Variants in GTF2F1 observed in about 807,000 individuals in gnomAD.
The protein encoded by GTF2F1 is general transcription factor IIF 74 kDa subunit.
Under a neutral mutation model 63.5 loss-of-function variants are expected in GTF2F1, and 39 were observed. That is an observed-to-expected ratio of 0.61 (90% CI 0.48 to 0.80). The LOEUF (loss-of-function observed/expected upper bound fraction) is 0.80, where lower values mean the gene tolerates loss of function less well. Among genes scored for constraint, GTF2F1 ranks in the 30% least tolerant of loss-of-function variants. GTF2F1 has a pLI of 0.00. For missense variants in GTF2F1, 657 were observed against 718.3 expected (o/e 0.91, Z 0.97); for synonymous variants, 287 against 285.3 (o/e 1.01, Z -0.06).
intron 4 of GTF2F1, among the ~76,000 whole-genome samples, 178 bp downstream of exon 4, chr19:6,389,266 C>CATAA (rs61290779): frequency 0.086 from 13,024 of 151,042 alleles, 597 homozygotes; most frequent in African/African-American, 0.11. Context: ...AATAAGATAA[C>CATAA]ATAAATAAAT....
rs771769847 is a variant in GTF2F1 at position 6,391,947 on chromosome 19, C to T, written c.87G>A (p.Met29Ile). 1.9e-6 allele frequency: 3 copies of T among 1,581,176 alleles called. No individual in the cohort carries two copies. The highest frequency in any genetic ancestry group is 1.7e-6 in the Non-Finnish European group (2 of 1,161,366). Residue 29 changes from methionine to isoleucine, a missense_variant, in exon 3 of 13, where the codon ATG becomes ATA. By Grantham distance (10) the Met-to-Ile change is conservative. Coordinates refer to ENST00000394456, the MANE Select transcript of GTF2F1 (RefSeq NM_002096.3). ...PKNTTKKYNI[M>I]AFNAADKVNF... is the part of the protein sequence containing the mutation. ...TGACTTTGTCGGCTGCATTAAAAGC[C>T]ATGATGTTATATTTTTTGGTTGTAT...
chr19:6,384,760 C>A (rs972205036), intron 5 of GTF2F1, among the ~76,000 whole-genome samples: 2 of 151,992 alleles, frequency 1.3e-5, no homozygotes, highest in Non-Finnish European at 2.9e-5. Context: ...CATGGCGAGA[C>A]ACCATCACCA....
rs949605746 is a variant in GTF2F1, at chr19:6,380,548, C to A, written c.1349+25G>T. 1 of 1,611,938 alleles carries A rather than the reference C, an allele frequency of 6.2e-7. No homozygotes were observed. The highest frequency in any genetic ancestry group is 8.5e-7 in the Non-Finnish European group (1 of 1,178,138). ...ATTGTCCCCAGTAGCCCTTGCCCTGCCCCCTGCTGTCCTCGTCAACTTACC... is the reference window on the plus strand; with the variant it reads ...ATTGTCCCCAGTAGCCCTTGCCCTGACCCCTGCTGTCCTCGTCAACTTACC... On this transcript the variant is annotated intron_variant, in intron 12 of 12. Transcript: ENST00000394456. The surrounding 1 kb of genome is among the most constrained non-coding windows in gnomAD (Gnocchi z 5.3).
rs1260741841 is a variant in GTF2F1 at position 6,381,216 on chromosome 19, G to A, written c.1019-21C>T. 2.5e-6 allele frequency: 4 copies of A among 1,598,256 alleles called. No individual in the cohort carries two copies. Among genetic ancestry groups the A allele is most frequent in the South Asian group, 2.2e-5 (2 of 89,048 alleles). ...GCTGTCTGCGGGGCACAGGAAAGGGGTCAGGGCCAGAGCAACCCCGGGACC... is the reference window on the plus strand; with the variant it reads ...GCTGTCTGCGGGGCACAGGAAAGGGATCAGGGCCAGAGCAACCCCGGGACC... On this transcript the variant is annotated intron_variant, in intron 9 of 12. Coordinates refer to ENST00000394456, the MANE Select transcript of GTF2F1 (RefSeq NM_002096.3). The surrounding 1 kb of genome is among the most constrained non-coding windows in gnomAD (Gnocchi z 4.1).
rs2091944415 is a variant in GTF2F1, at chr19:6,380,841, C to T, written c.1231+63G>A. 6.6e-7 allele frequency: 1 copy of T among 1,510,902 alleles called. No individual in the cohort carries two copies. Among genetic ancestry groups the T allele is most frequent in the Non-Finnish European group, 8.8e-7 (1 of 1,130,242 alleles). The allele number at this position is 1,510,902 out of a possible 1,614,324, so 93.6% of individuals were successfully genotyped here. A position where few individuals can be genotyped will look rare whatever the true frequency, so the allele number is the denominator to read the frequency against. ...TCTCCATCCCCTCTCTGTCCTGAGC[C>T]CCAACAGAGGTCAGGAGGCTGTGGC... On this transcript the variant is annotated intron_variant, in intron 11 of 12. Coordinates refer to ENST00000394456, the MANE Select transcript of GTF2F1 (RefSeq NM_002096.3). The surrounding 1 kb of genome is among the most constrained non-coding windows in gnomAD (Gnocchi z 5.3).
chr19:6,385,882 G>A (rs969891010), intron 5 of GTF2F1, among the ~76,000 whole-genome samples: 17 of 151,786 alleles, frequency 1.1e-4, no homozygotes, highest in Admixed American at 7.9e-4. Context: ...TCAGGAGATC[G>A]AGACCACGGT....
Position 6,381,187 on chromosome 19 carries a change from C to A in GTF2F1, c.1027G>T (p.Glu343Ter), listed in dbSNP as rs752299707. The A allele has an allele frequency of 6.2e-7, 1 of 1,608,956 alleles. No individual in the cohort carries two copies. The highest frequency in any genetic ancestry group is 8.5e-7 in the Non-Finnish European group (1 of 1,178,100). The change falls in exon 10 of 13, where the codon GAG becomes TAG. Residue 343 changes from glutamate (E) to a stop codon, truncating the protein, a stop_gained. Coordinates refer to ENST00000394456, the MANE Select transcript of GTF2F1 (RefSeq NM_002096.3). LOFTEE classifies it high-confidence loss of function. The surrounding 1 kb of genome is among the most constrained non-coding windows in gnomAD (Gnocchi z 4.1). ...CTCTCCTCTGAGCTGTCCGACTCCTCGCTGCTGTCTGCGGGGCACAGGAAA... is the reference window on the plus strand; with the variant it reads ...CTCTCCTCTGAGCTGTCCGACTCCTAGCTGCTGTCTGCGGGGCACAGGAAA... ...QEKKRRKDSS[E>*]ESDSSEESDI...
Position 6,384,484 on chromosome 19 carries a change from G to A in GTF2F1, c.498-989C>T, listed in dbSNP as rs1031984033. ...GATTGCCCCACAGCACTCCAGCCTC[G>A]GTGACAGAGTAAGAATCTGTCTCCA... On this transcript the variant is annotated intron_variant, in intron 5 of 12. Transcript: ENST00000394456. Among the ~76,000 whole-genome samples the A allele has an allele frequency of 4.6e-5, 7 of 150,708 alleles. No homozygotes were observed. The South Asian group carries it at 6.3e-4, about 14-fold the overall frequency.
Position 6,388,166 on chromosome 19 carries a change from G to A in GTF2F1, c.327-607C>T, listed in dbSNP as rs1203558663. Among the ~76,000 whole-genome samples the A allele has an allele frequency of 7.9e-5, 12 of 152,050 alleles. No individual in the cohort carries two copies. In the East Asian group the frequency reaches 1.5e-3, roughly 20 times the overall value. ...GCTAGTTTCGAACCCCTGACCCCAC[G>A]TAATCCGCCCGCCTCTGCCTCCCAA... On this transcript the variant is annotated intron_variant, in intron 4 of 12. Transcript: ENST00000394456.
rs1289533168 is a variant in GTF2F1, at chr19:6,381,911, TTG to T, written c.683-63_683-62del. ...TGAGGAGGAAGGCAGTGGGTATTTATTGTGTTTTTCACATTTTGTGCAGTTTT... is the reference window on the plus strand; with the variant it reads ...TGAGGAGGAAGGCAGTGGGTATTTATTGTTTTTCACATTTTGTGCAGTTTT... On this transcript the variant is annotated intron_variant, in intron 6 of 12. Coordinates refer to ENST00000394456, the MANE Select transcript of GTF2F1 (RefSeq NM_002096.3). This position sits in a 1 kb window ranked among gnomAD's most constrained non-coding sequence, Gnocchi z 4.1. 4.2e-6 allele frequency: 6 copies of T among 1,419,984 alleles called. No homozygotes were observed. Among genetic ancestry groups the T allele is most frequent in the Non-Finnish European group, 5.9e-6 (6 of 1,024,186 alleles). The allele number at this position is 1,419,984 out of a possible 1,614,324, so 88.0% of individuals were successfully genotyped here. A position where few individuals can be genotyped will look rare whatever the true frequency, so the allele number is the denominator to read the frequency against.
Position 6,383,763 on chromosome 19 carries a change from A to G in GTF2F1, c.498-268T>C, listed in dbSNP as rs1204939060. Among the ~76,000 whole-genome samples the G allele has an allele frequency of 6.6e-6, 1 of 152,032 alleles. No individual in the cohort carries two copies. On this transcript the variant is annotated intron_variant, in intron 5 of 12. Transcript: ENST00000394456. This position sits in a 1 kb window ranked among gnomAD's most constrained non-coding sequence, Gnocchi z 4.5. ...CCCTCGGACTCAGAGTCTGGCCCCA[A>G]TCCAGTCACACTGGTTTCTTGCTAT...
Sources: allele counts gnomAD v4.1 joint callset (sites outside exome capture counted in the v4.1 genomes callset), GRCh38; gene constraint gnomAD v4.1.1; non-coding constraint Gnocchi (gnomAD v3.1); transcripts MANE v1.5; gene names NCBI Gene and HGNC (gene_info 2026-07-23, HGNC 2026-07-21).